The following MUC5B variants were observed in gnomAD, a reference collection of about 807,000 sequenced individuals.
MUC5B encodes mucin 5B, oligomeric mucus/gel-forming.
In MUC5B, 116 loss-of-function variants were observed where a neutral mutation model predicts 376.9. The observed-to-expected ratio is 0.31, with a 90% CI of 0.26 to 0.36. The LOEUF (loss-of-function observed/expected upper bound fraction) is 0.36. Ranked by LOEUF, MUC5B falls within the 10% of genes least tolerant of loss-of-function variation. MUC5B has a pLI of 1.00. For synonymous variants in MUC5B, 3,517 were observed against 3,390.9 expected (o/e 1.04, Z -1.29); for missense variants, 7,165 against 7,769.9 (o/e 0.92, Z 2.93).
chr11:1,244,287 C>T lies in MUC5B; in HGVS notation c.7407C>T (p.Ser2469=), dbSNP rs1247506680. The change falls in exon 31 of 49, where the codon AGC becomes AGT. Residue 2469 remains serine, a synonymous_variant. Coordinates refer to ENST00000529681, the MANE Select transcript of MUC5B (RefSeq NM_002458.3). The part of the protein sequence containing the change: ...PGTTWILTEP[S]TTATVTVPTG... The stretch of plus-strand genomic sequence containing the variant: ...CCACCTGGATCCTCACAGAGCCGAG[C>T]ACTACAGCCACCGTGACGGTGCCCA... The T allele has an allele frequency of 2.4e-5, 39 of 1,607,530 alleles. No homozygotes were observed. Among genetic ancestry groups the T allele is most frequent in the Non-Finnish European group, 3.3e-5 (39 of 1,177,494 alleles).
chr11:1,229,964 C>T (rs937594842), intron 10 of MUC5B, 41 bp from the exon 11 acceptor site: 1 of 1,564,572 alleles, frequency 6.4e-7, no homozygotes, highest in South Asian at 1.2e-5. Flanking sequence ...GGGCCCACCT[C>T]CTCCCGACAT....
intron 14 of MUC5B, 81 bp downstream of exon 14, chr11:1,231,641 G>A: frequency 1.4e-6 from 2 of 1,461,058 alleles, no homozygotes; most frequent in South Asian, 2.6e-5. Context: ...GGAGGGGCAG[G>A]CAGAGGCGGG....
intron 34 of MUC5B, 98 bp from the exon 35 acceptor site, chr11:1,254,596 G>T: frequency 1.5e-6 from 2 of 1,319,974 alleles, no homozygotes; most frequent in African/African-American, 1.5e-5. Flanking sequence ...TACACAGGGG[G>T]GTCTCTGCAC....
Position 1,240,976 on chromosome 11 carries a change from C to T in MUC5B, c.4096C>T (p.Gln1366Ter). 6.2e-7 allele frequency: 1 copy of T among 1,613,438 alleles called. No individual in the cohort carries two copies. Among genetic ancestry groups the T allele is most frequent in the Non-Finnish European group, 8.5e-7 (1 of 1,179,836 alleles). Reference protein sequence around the residue: ...GDFETFENLRQRGYQVCPVLA... With the variant: ...GDFETFENLR Reference sequence around the variant, plus strand: ...CTTTGAGACGTTTGAAAACCTGAGGCAGAGAGGGTACCAGGTATGCCCTGT... The same window carrying T: ...CTTTGAGACGTTTGAAAACCTGAGGTAGAGAGGGTACCAGGTATGCCCTGT... The change falls in exon 31 of 49, where the codon CAG (glutamine) becomes TAG (stop). Residue 1366 changes from glutamine to a stop codon, truncating the protein, a stop_gained. Transcript: ENST00000529681. LOFTEE classifies it high-confidence loss of function.
Position 1,258,794 on chromosome 11 carries a change from C to A in MUC5B, c.16594-148C>A. On this transcript the variant is annotated intron_variant, in intron 43 of 48. Transcript: ENST00000529681. The surrounding 1 kb of genome is among the most constrained non-coding windows in gnomAD (Gnocchi z 5.5). Reference sequence around the variant, plus strand: ...GGTCCCTGTGTGCATCAGCTCCCTGCCTGCCTGGGTCCATGCTCAGCCAGG... The same window carrying A: ...GGTCCCTGTGTGCATCAGCTCCCTGACTGCCTGGGTCCATGCTCAGCCAGG... The A allele has an allele frequency of 1.7e-6, 2 of 1,154,910 alleles. No homozygotes were observed. The highest frequency in any genetic ancestry group is 2.4e-6 in the Non-Finnish European group (2 of 829,102). 71.5% of individuals were successfully genotyped at this position (1,154,910 alleles called of 1,614,324 possible).
intron 7 of MUC5B, 129 bp from the exon 8 acceptor site, chr11:1,228,435 G>A (rs565923543): frequency 2.3e-6 from 2 of 856,326 alleles, no homozygotes; most frequent in African/African-American, 3.4e-5. Context: ...TGGAAGGGGT[G>A]GGGCTGGGTA....
In MUC5B at chr11:1,249,638, T is replaced by G. The variant is rs746027820; in HGVS notation, c.12758T>G (p.Leu4253Arg). 21 of 1,610,872 alleles carry G rather than the reference T, an allele frequency of 1.3e-5. 1 individual carries two copies. The South Asian group carries it at 2.3e-4, about 18-fold the overall frequency. Residue 4253 changes from leucine (L) to arginine (R), a missense_variant, in exon 31 of 49, where the codon CTG becomes CGG. Coordinates refer to ENST00000529681, the MANE Select transcript of MUC5B (RefSeq NM_002458.3). ...GGGACGACCTGGATCCTCACAGAGC[T>G]GACCACAACAGCCACTACGACTGCA... ...TPGTTWILTELTTTATTTAST... is the reference protein window; with the variant it reads ...TPGTTWILTERTTTATTTAST...
chr11:1,252,239 A>C, intron 31 of MUC5B, 104 bp from the exon 32 acceptor site: 1 of 1,164,104 alleles, frequency 8.6e-7, no homozygotes, highest in East Asian at 2.5e-5. Flanking sequence ...CCTTCCCTGG[A>C]ACCGCTGCTC....
chr11:1,227,463 G>C (rs989372794), intron 6 of MUC5B, 65 bp downstream of exon 6: 162 of 1,316,718 alleles, frequency 1.2e-4, no homozygotes, highest in Admixed American at 5.8e-4. Flanking sequence ...CCACAGTCCC[G>C]GGGAGGCCGG....
At chr11:1,239,589 T>C in intron 27 of MUC5B, 23 bp downstream of exon 27, 4 of 1,545,014 alleles carry the variant, frequency 2.6e-6, no homozygotes, top group Non-Finnish European at 2.6e-6. Context: ...CTTTCTTGGA[T>C]GGAGCCTCCT....
chr11:1,238,796 C>T, intron 25 of MUC5B, 75 bp from the exon 26 acceptor site: 1 of 1,475,488 alleles, frequency 6.8e-7, no homozygotes, highest in Non-Finnish European at 9.2e-7. Flanking sequence ...GTTCCAGCAA[C>T]TGGCCCTGGG....
At chr11:1,228,442 G>A in intron 7 of MUC5B, 122 bp from the exon 8 acceptor site, 1 of 936,850 alleles carries the variant, frequency 1.1e-6, no homozygotes, top group Non-Finnish European at 1.6e-6. Context: ...GGTGGGGCTG[G>A]GTACAAGGAA....
chr11:1,260,237 C>T, intron 46 of MUC5B, 114 bp from the exon 47 acceptor site: 10 of 1,350,508 alleles, frequency 7.4e-6, no homozygotes, highest in Non-Finnish European at 1.0e-5. Context: ...CCTGGGAGGC[C>T]CCGCCCCTGC....
In MUC5B at chr11:1,232,544, G is replaced by A. The variant is rs920921199; in HGVS notation, c.1938G>A (p.Ser646=). 2.5e-6 allele frequency: 4 copies of A among 1,609,580 alleles called. No individual in the cohort carries two copies. Among genetic ancestry groups the A allele is most frequent in the East Asian group, 2.2e-5 (1 of 44,586 alleles). The change falls in exon 16 of 49, where the codon TCG becomes TCA. Residue 646 remains serine, a splice_region_variant and synonymous_variant. Transcript: ENST00000529681. The part of the protein sequence containing the change: ...HSIINPKPFH[S]NCMFDTCNCE... Reference sequence around the variant, plus strand: ...TCATCAACCCCAAGCCCTTCCACTCGGTGAGAGGCTGAGGCCAGACCCCCA... The same window carrying A: ...TCATCAACCCCAAGCCCTTCCACTCAGTGAGAGGCTGAGGCCAGACCCCCA...
chr11:1,231,635 G>A, intron 14 of MUC5B, 75 bp downstream of exon 14: 1 of 1,482,226 alleles, frequency 6.7e-7, no homozygotes, highest in Non-Finnish European at 9.0e-7. Context: ...CTGCAGGGAG[G>A]GGCAGGCAGA....
intron 26 of MUC5B, 112 bp from the exon 27 acceptor site, chr11:1,239,326 C>G: frequency 7.1e-7 from 1 of 1,401,468 alleles, no homozygotes; most frequent in Non-Finnish European, 9.6e-7. Context: ...CTGGGACAAG[C>G]CCGGGTCTGG....
At position 1,252,440 on chromosome 11, in the gene MUC5B, C is replaced by A; in HGVS notation, c.14961C>A (p.Pro4987=). The A allele has an allele frequency of 6.2e-7, 1 of 1,610,954 alleles. No individual in the cohort carries two copies. Among genetic ancestry groups the A allele is most frequent in the Non-Finnish European group, 8.5e-7 (1 of 1,178,932 alleles). The change falls in exon 32 of 49, where the codon CCC becomes CCA. Residue 4987 remains proline, a synonymous_variant. Coordinates refer to ENST00000529681, the MANE Select transcript of MUC5B (RefSeq NM_002458.3). ...CDIDRFQGAC[P]TSPPPVSSAP... ...TTGACCGCTTCCAGGGCGCCTGTCC[C>A]ACCTCCCCACCGCCAGTGTCCTCCG...
Position 1,253,143 on chromosome 11 carries a change from T to A in MUC5B, c.15217+163T>A. On this transcript the variant is annotated intron_variant, in intron 33 of 48. Transcript: ENST00000529681. The surrounding 1 kb of genome is among the most constrained non-coding windows in gnomAD (Gnocchi z 4.3). ...GGGTGCAGTGGGGCATGGTGGGGCA[T>A]GGTGGGGTGTGGTGGTGGTGTTTGG... 1.3e-6 allele frequency: 1 copy of A among 761,368 alleles called. No homozygotes were observed. Among genetic ancestry groups the A allele is most frequent in the South Asian group, 1.7e-5 (1 of 59,058 alleles). The allele number at this position is 761,368 out of a possible 1,614,324, so 47.2% of individuals were successfully genotyped here. A position where few individuals can be genotyped will look rare whatever the true frequency, so the allele number is the denominator to read the frequency against.
chr11:1,234,274 T>A lies in MUC5B; in HGVS notation c.2447T>A (p.Leu816His), dbSNP rs1311821295. 2.5e-6 allele frequency: 4 copies of A among 1,598,648 alleles called. No homozygotes were observed. The highest frequency in any genetic ancestry group is 1.1e-5 in the South Asian group (1 of 89,360). ...SSAGTPGAEC[L>H]RSCHTLDVGC... ...GCGGGCACCCCTGGGGCCGAGTGCC[T>A]CCGGAGCTGCCACACGCTGGACGTG... Residue 816 changes from leucine (L) to histidine (H), a missense_variant, in exon 20 of 49, where the codon CTC (leucine) becomes CAC (histidine). Transcript: ENST00000529681. The surrounding 1 kb of genome is among the most constrained non-coding windows in gnomAD (Gnocchi z 6.3).
Sources: allele counts gnomAD v4.1 joint callset, GRCh38; gene constraint gnomAD v4.1.1; non-coding constraint Gnocchi (gnomAD v3.1); transcripts MANE v1.5; gene names NCBI Gene and HGNC (gene_info 2026-07-23, HGNC 2026-07-21).